Variants in SUCLG2 observed in about 807,000 individuals in gnomAD.
SUCLG2 encodes succinate-CoA ligase GDP-forming subunit beta.
A neutral mutation model predicts 47.9 loss-of-function variants in SUCLG2; 42 were observed. That is an observed-to-expected ratio of 0.88 (90% CI 0.69 to 1.14). The LOEUF is 1.14. Ranked by LOEUF, SUCLG2 falls within the 50% of genes most tolerant of loss-of-function variation. The probability of loss-of-function intolerance (pLI) is 0.00; values close to 1 mark genes in which losing one functional copy is unlikely to be tolerated. For missense variants in SUCLG2, 571 were observed against 525.9 expected (o/e 1.09, Z -0.84); for synonymous variants, 195 against 197.3 (o/e 0.99, Z 0.10).
At position 67,446,371 on chromosome 3, in the gene SUCLG2, A is replaced by AAG. The variant is rs1553644799; in HGVS notation, c.1063-45521_1063-45520insCT. Among the ~76,000 whole-genome samples the AAG allele has an allele frequency of 6.9e-4, 14 of 20,270 alleles. 5 individuals carry two copies. Among genetic ancestry groups the AAG allele is most frequent in the African/African-American group, 2.1e-3 (14 of 6,586 alleles). 13.3% of individuals were successfully genotyped at this position (20,270 alleles called of 152,430 possible). A position where few individuals can be genotyped will look rare whatever the true frequency, so the allele number is the denominator to read the frequency against. On this transcript the variant is annotated intron_variant, in intron 9 of 10. Coordinates refer to ENST00000307227, the MANE Select transcript of SUCLG2 (RefSeq NM_003848.4). ...TTTGTATATAAAAAAAAAAAAAAAA[A>AAG]AAAAGAAATTAGATCTCTCCGGTAT...
Position 67,520,550 on chromosome 3 carries a change from C to T in SUCLG2, c.502G>A (p.Val168Met). The T allele has an allele frequency of 6.2e-7, 1 of 1,614,200 alleles. No individual in the cohort carries two copies. The highest frequency in any genetic ancestry group is 1.1e-5 in the South Asian group (1 of 91,084). Residue 168 changes from valine to methionine, a missense_variant, in exon 5 of 11, where the codon GTG (valine) becomes ATG (methionine). Coordinates refer to ENST00000307227, the MANE Select transcript of SUCLG2 (RefSeq NM_003848.4). Reference protein sequence around the residue: ...MDRSCNGPVLVGSPQGGVDIE... With the variant: ...MDRSCNGPVLMGSPQGGVDIE... The stretch of plus-strand genomic sequence containing the variant: ...TCGACGCCCCCCTGGGGGCTGCCCA[C>T]CAGCACGGGGCCATTGCAGGACCGG...
At chr3:67,578,835 G>A (rs1707810707) in intron 2 of SUCLG2, among the ~76,000 whole-genome samples, 1 of 152,190 alleles carries the variant, frequency 6.6e-6, no homozygotes, top group Non-Finnish European at 1.5e-5. Context: ...GAGACCCAGA[G>A]GGTCTGATGG....
At chr3:67,646,806 G>A (rs1049452101) in intron 1 of SUCLG2, among the ~76,000 whole-genome samples, 5 of 152,090 alleles carry the variant, frequency 3.3e-5, no homozygotes, top group African/African-American at 7.2e-5. Context: ...GCATTGAATC[G>A]ATGCCAAAGT....
intron 10 of SUCLG2, among the ~76,000 whole-genome samples, chr3:67,364,988 A>G (rs998109788): frequency 1.3e-5 from 2 of 152,242 alleles, no homozygotes; most frequent in Non-Finnish European, 2.9e-5. Flanking sequence ...TGGAAAGTTT[A>G]TAACTGAAAA....
At chr3:67,369,177 C>T (rs2106747244) in intron 10 of SUCLG2, among the ~76,000 whole-genome samples, 1 of 152,182 alleles carries the variant, frequency 6.6e-6, no homozygotes, top group South Asian at 2.1e-4. Context: ...AGTATTTGAT[C>T]ACCTTTTTGT....
In SUCLG2 at chr3:67,409,078, G is replaced by A. The variant is rs774539472; in HGVS notation, c.1063-8227C>T. 7 of 1,514,824 alleles carry A rather than the reference G, an allele frequency of 4.6e-6. No homozygotes were observed. The East Asian group carries it at 1.7e-4, about 37-fold the overall frequency. 93.8% of individuals were successfully genotyped at this position (1,514,824 alleles called of 1,614,324 possible). A position where few individuals can be genotyped will look rare whatever the true frequency, so the allele number is the denominator to read the frequency against. On this transcript the variant is annotated intron_variant, in intron 9 of 10. Coordinates refer to ENST00000307227, the MANE Select transcript of SUCLG2 (RefSeq NM_003848.4). ...GAGGTAAGATATCTTGTATAGGTTT[G>A]TGGACCAATGGGTTTTAGTTCTTTA...
At chr3:67,493,781 G>C (rs78901030) in intron 9 of SUCLG2, among the ~76,000 whole-genome samples, 530 of 152,146 alleles carry the variant, frequency 3.5e-3, no homozygotes, top group African/African-American at 0.012. Context: ...GGAATCTCTG[G>C]GAGGAAAATG....
intron 2 of SUCLG2, among the ~76,000 whole-genome samples, chr3:67,541,585 A>T (rs1706713452): frequency 6.6e-6 from 1 of 152,208 alleles, no homozygotes; most frequent in East Asian, 1.9e-4. Flanking sequence ...AAGTTGGAAA[A>T]CACTCTTCAG....
intron 7 of SUCLG2, among the ~76,000 whole-genome samples, chr3:67,504,675 T>C (rs1705590844): frequency 6.6e-6 from 1 of 152,148 alleles, no homozygotes; most frequent in South Asian, 2.1e-4. Context: ...CAAGTTGTGA[T>C]GACTAAAAAT....
At chr3:67,461,347 T>C (rs947099260) in intron 9 of SUCLG2, among the ~76,000 whole-genome samples, 40 of 152,140 alleles carry the variant, frequency 2.6e-4, no homozygotes, top group Admixed American at 2.0e-3. Context: ...CTTGAAAGTA[T>C]AGATTATATA....
intron 9 of SUCLG2, chr3:67,408,864 C>T: frequency 6.9e-7 from 1 of 1,439,082 alleles, no homozygotes; most frequent in South Asian, 1.5e-5. Flanking sequence ...GGCGGTCTTA[C>T]TGTAAAGTCC....
intron 2 of SUCLG2, among the ~76,000 whole-genome samples, chr3:67,575,970 T>G (rs914522885): frequency 1.3e-5 from 2 of 152,190 alleles, no homozygotes; most frequent in Non-Finnish European, 1.5e-5. Flanking sequence ...ATCAGGCCAT[T>G]CTTGTCACGT....
chr3:67,427,021 A>T (rs1244324020), intron 9 of SUCLG2, among the ~76,000 whole-genome samples: 2 of 152,206 alleles, frequency 1.3e-5, no homozygotes, highest in Non-Finnish European at 2.9e-5. Context: ...TGTAATTTAC[A>T]ATAGGATTTC....
intron 2 of SUCLG2, among the ~76,000 whole-genome samples, chr3:67,603,962 T>C (rs1050818648): frequency 6.6e-6 from 1 of 152,182 alleles, no homozygotes; most frequent in Non-Finnish European, 1.5e-5. Flanking sequence ...GAAAATTGTA[T>C]GCAACGTAAA....
At chr3:67,616,685 T>C (rs773654643) in intron 1 of SUCLG2, among the ~76,000 whole-genome samples, 6 of 152,214 alleles carry the variant, frequency 3.9e-5, no homozygotes, top group Non-Finnish European at 5.9e-5. Flanking sequence ...TAAGTCTCTA[T>C]TAACTTTTGT....
chr3:67,530,777 G>T (rs1219176687), intron 2 of SUCLG2, among the ~76,000 whole-genome samples: 1 of 152,150 alleles, frequency 6.6e-6, no homozygotes, highest in Non-Finnish European at 1.5e-5. Flanking sequence ...TTCTGCCCTG[G>T]ATACGAACCA....
chr3:67,456,273 T>C (rs576861950), intron 9 of SUCLG2, among the ~76,000 whole-genome samples: 4 of 152,262 alleles, frequency 2.6e-5, no homozygotes, highest in East Asian at 3.9e-4. Flanking sequence ...AAAAAATTAA[T>C]TGGGTCAAAA....
At chr3:67,563,980 A>G (rs1463648365) in intron 2 of SUCLG2, among the ~76,000 whole-genome samples, 8 of 151,040 alleles carry the variant, frequency 5.3e-5, no homozygotes, top group Middle Eastern at 3.2e-3. Context: ...AAAAAAAAAG[A>G]AAAAAGAAAA....
At chr3:67,402,883 T>C (rs572533170) in intron 9 of SUCLG2, among the ~76,000 whole-genome samples, 72 of 152,340 alleles carry the variant, frequency 4.7e-4, no homozygotes, top group African/African-American at 1.6e-3. Flanking sequence ...TTACAGAGTA[T>C]AGTTTACATC....
Sources: gnomAD v4.1 joint callset for allele counts (sites outside exome capture counted in the v4.1 genomes callset) on GRCh38, gnomAD v4.1.1 for gene constraint, MANE v1.5 for transcripts, NCBI Gene and HGNC (gene_info 2026-07-23, HGNC 2026-07-21) for gene names.